The following ANKS6 variants were observed in gnomAD, a reference collection of about 807,000 sequenced individuals.
ANKS6 encodes ankyrin repeat and SAM domain-containing protein 6.
Under a neutral mutation model 77.9 loss-of-function variants are expected in ANKS6, and 47 were observed. The observed-to-expected ratio is 0.60, with a 90% CI of 0.48 to 0.77. The LOEUF is 0.77. Ranked by LOEUF, ANKS6 falls within the 30% of genes least tolerant of loss-of-function variation. ANKS6 has a pLI of 0.00. For missense variants in ANKS6, 1,150 were observed against 1,159.1 expected (o/e 0.99, Z 0.11); for synonymous variants, 488 against 501.7 (o/e 0.97, Z 0.37).
At chr9:98,769,567 A>C (rs113857938) in intron 10 of ANKS6, among the ~76,000 whole-genome samples, 1 of 152,250 alleles carries the variant, frequency 6.6e-6, no homozygotes, top group Non-Finnish European at 1.5e-5. Flanking sequence ...ATCAACATAA[A>C]AAGGTGCTCA....
At chr9:98,749,196 A>G (rs544086048) in intron 13 of ANKS6, among the ~76,000 whole-genome samples, 6 of 152,320 alleles carry the variant, frequency 3.9e-5, no homozygotes, top group Admixed American at 6.5e-5. Context: ...GCCCCCAGCA[A>G]GCACAGCCAC....
intron 9 of ANKS6, 114 bp from the exon 10 acceptor site, chr9:98,771,160 C>A: frequency 8.1e-7 from 1 of 1,235,158 alleles, no homozygotes; most frequent in Non-Finnish European, 1.0e-6. Flanking sequence ...CCAAAGCTCG[C>A]TGTGCCCAGC....
chr9:98,768,528 C>T (rs1833433932), intron 10 of ANKS6, among the ~76,000 whole-genome samples: 1 of 152,174 alleles, frequency 6.6e-6, no homozygotes, highest in Non-Finnish European at 1.5e-5. Context: ...CGTGCCACAG[C>T]CAGCTTGTGC....
chr9:98,793,512 TTTTTG>T (rs1263680576), intron 1 of ANKS6, among the ~76,000 whole-genome samples: 1 of 152,056 alleles, frequency 6.6e-6, no homozygotes, highest in Admixed American at 6.5e-5. Flanking sequence ...TAAAGGTTGT[TTTTTG>T]TTTTGTTTTG....
intron 5 of ANKS6, among the ~76,000 whole-genome samples, chr9:98,781,725 AG>A (rs1834271168): frequency 1.3e-5 from 2 of 152,092 alleles, no homozygotes; most frequent in Non-Finnish European, 2.9e-5. Context: ...TCTAGCTAAG[AG>A]GGGCAGCAGG....
intron 9 of ANKS6, among the ~76,000 whole-genome samples, chr9:98,771,691 C>T (rs10819300): frequency 0.13 from 20,352 of 152,044 alleles, 1,463 homozygotes; most frequent in Middle Eastern, 0.24. Flanking sequence ...TACATGGACC[C>T]GGCGGCTCCC....
At chr9:98,741,235 A>C (rs1831810460) in intron 14 of ANKS6, among the ~76,000 whole-genome samples, 2 of 152,274 alleles carry the variant, frequency 1.3e-5, no homozygotes, top group Admixed American at 1.3e-4. Flanking sequence ...GAATAGCTGC[A>C]TATATTGCAT....
At chr9:98,773,769 A>T (rs1001206918) in intron 9 of ANKS6, 108 bp downstream of exon 9, 1 of 1,030,560 alleles carries the variant, frequency 9.7e-7, no homozygotes, top group African/African-American at 1.6e-5. Flanking sequence ...AGAAAAAAAA[A>T]GTTGCAACCC....
chr9:98,788,281 A>G (rs1354482459), intron 2 of ANKS6, among the ~76,000 whole-genome samples: 1 of 152,238 alleles, frequency 6.6e-6, no homozygotes, highest in Non-Finnish European at 1.5e-5. Flanking sequence ...ACAACAGAAG[A>G]GGCACAGCTC....
At chr9:98,769,701 C>T (rs1326669037) in intron 10 of ANKS6, among the ~76,000 whole-genome samples, 1 of 152,176 alleles carries the variant, frequency 6.6e-6, no homozygotes, top group African/African-American at 2.4e-5. Context: ...CTGGCTCTGC[C>T]AACTAATAGC....
chr9:98,780,118 G>A, intron 6 of ANKS6, 71 bp downstream of exon 6: 1 of 1,590,158 alleles, frequency 6.3e-7, no homozygotes, highest in South Asian at 1.1e-5. Flanking sequence ...GGGTGCATAG[G>A]AGGCAGCAGG....
In ANKS6 at chr9:98,732,853, C is replaced by T; in HGVS notation, c.*3666G>A. 1 of 1,204,526 alleles carries T rather than the reference C, an allele frequency of 8.3e-7. No homozygotes were observed. Among genetic ancestry groups the T allele is most frequent in the Non-Finnish European group, 1.0e-6 (1 of 965,136 alleles). The allele number at this position is 1,204,526 out of a possible 1,614,324, so 74.6% of individuals were successfully genotyped here. On this transcript the variant is annotated 3_prime_UTR_variant, in exon 15 of 15. Transcript: ENST00000353234. ...GACTAAAAACAGAAAAACAGGCACC[C>T]AACTGACCCTTCCTCCCTGACGATC...
chr9:98,784,538 T>C, intron 3 of ANKS6: 1 of 426,730 alleles, frequency 2.3e-6, no homozygotes, highest in Non-Finnish European at 4.1e-6. Flanking sequence ...AAATGCCTCT[T>C]TGTCACAAAG....
intron 11 of ANKS6, among the ~76,000 whole-genome samples, chr9:98,760,650 G>T (rs1588359511): frequency 1.3e-5 from 2 of 152,196 alleles, no homozygotes; most frequent in African/African-American, 4.8e-5. Context: ...CACACAATTT[G>T]TAGATTTTTG....
chr9:98,750,025 C>T (rs1406891076), intron 13 of ANKS6, among the ~76,000 whole-genome samples: 1 of 152,314 alleles, frequency 6.6e-6, no homozygotes, highest in African/African-American at 2.4e-5. Context: ...TATAATTCAT[C>T]TACCATAAAA....
chr9:98,785,249 T>C (rs1485769065), intron 2 of ANKS6, among the ~76,000 whole-genome samples: 1 of 152,236 alleles, frequency 6.6e-6, no homozygotes, highest in East Asian at 1.9e-4. Flanking sequence ...TAAAAATTTT[T>C]TTTCTTCTAA....
At chr9:98,754,658 T>C (rs1832604383) in intron 12 of ANKS6, among the ~76,000 whole-genome samples, 1 of 151,318 alleles carries the variant, frequency 6.6e-6, no homozygotes, top group Non-Finnish European at 1.5e-5. Flanking sequence ...AAAAAAGCTC[T>C]TCGGGGATGG....
At chr9:98,783,448 G>C (rs893638491) in intron 4 of ANKS6, 1 of 152,370 alleles carries the variant, frequency 6.6e-6, no homozygotes, top group Admixed American at 6.5e-5. Context: ...GAGGATGACA[G>C]CCCATCCTGC....
At chr9:98,769,917 A>AAT (rs1340662133) in intron 10 of ANKS6, among the ~76,000 whole-genome samples, 2 of 152,132 alleles carry the variant, frequency 1.3e-5, no homozygotes, top group Non-Finnish European at 2.9e-5. Flanking sequence ...ACACTTTCCA[A>AAT]ATATATATAT....
Sources: gnomAD v4.1 joint callset for allele counts (sites outside exome capture counted in the v4.1 genomes callset) on GRCh38, gnomAD v4.1.1 for gene constraint, MANE v1.5 for transcripts, NCBI Gene and HGNC (gene_info 2026-07-23, HGNC 2026-07-21) for gene names.